The following OR1J2 variants were observed in gnomAD, a reference collection of about 807,000 sequenced individuals.
OR1J2 encodes the protein olfactory receptor 1J2.
For synonymous variants in OR1J2, 142 were observed against 99.7 expected (o/e 1.42, Z -2.52); for missense variants, 304 against 246.1 (o/e 1.24, Z -1.57).
the OR1J2 span, chr9:122,554,187 A>G: frequency 1.3e-6 from 2 of 1,556,362 alleles, no homozygotes; most frequent in Non-Finnish European, 1.7e-6. Flanking sequence ...GGTGATGTCT[A>G]ATCTTGATCA....
At chr9:122,527,431 T>G in the OR1J2 span, 5 of 608,234 alleles carry the variant, frequency 8.2e-6, no homozygotes, top group African/African-American at 1.9e-5. Flanking sequence ...TGATCCTGCT[T>G]CTTTTCTCTC....
At chr9:122,530,824 T>C in the OR1J2 span, among the ~76,000 whole-genome samples, 1 of 152,010 alleles carries the variant, frequency 6.6e-6, no homozygotes, top group Non-Finnish European at 1.5e-5. Context: ...TAGGGGAGCT[T>C]TTGAGCCAGG....
chr9:122,470,334 A>G, the OR1J2 span, among the ~76,000 whole-genome samples: 3 of 152,204 alleles, frequency 2.0e-5, no homozygotes, highest in Admixed American at 1.3e-4. Context: ...AGATGGTGCA[A>G]GCTTCAAGCC....
chr9:122,556,397 T>TGG, the OR1J2 span, among the ~76,000 whole-genome samples: 99 of 152,244 alleles, frequency 6.5e-4, no homozygotes, highest in African/African-American at 2.3e-3. Flanking sequence ...TCTACTTATG[T>TGG]GGGTCTATTT....
At chr9:122,531,658 T>A in the OR1J2 span, among the ~76,000 whole-genome samples, 2 of 152,196 alleles carry the variant, frequency 1.3e-5, no homozygotes, top group African/African-American at 4.8e-5. Context: ...GGTGTGTTTT[T>A]AAAAGACCAT....
At position 122,511,256 on chromosome 9, in the gene OR1J2, C is replaced by A; in HGVS notation, c.455C>A (p.Ser152Tyr). ...TTAGTGGCTGTATCTTGGATTCTGT[C>A]TTGTGCCAGCTCCCTCTCTCACACC... is the stretch of plus-strand genomic sequence containing the variant. The part of the protein sequence containing the change: ...VFLVAVSWIL[S>Y]CASSLSHTLL... Residue 152 changes from serine to tyrosine, a missense_variant, in exon 1 of 1, where the codon TCT becomes TAT. Physicochemically the swap from Ser to Tyr is moderately radical, Grantham distance 144. Transcript: ENST00000335302. 1.3e-6 allele frequency: 1 copy of A among 755,906 alleles called. No individual in the cohort carries two copies. The highest frequency in any genetic ancestry group is 2.5e-6 in the Non-Finnish European group (1 of 407,144). The allele number at this position is 755,906 out of a possible 1,614,324, so 46.8% of individuals were successfully genotyped here.
At chr9:122,539,425 C>G in the OR1J2 span, among the ~76,000 whole-genome samples, 1 of 152,126 alleles carries the variant, frequency 6.6e-6, no homozygotes, top group Non-Finnish European at 1.5e-5. Flanking sequence ...TCACCCATGT[C>G]CCTACAAAGG....
the OR1J2 span, among the ~76,000 whole-genome samples, chr9:122,517,641 C>T: frequency 1.3e-5 from 2 of 152,086 alleles, no homozygotes; most frequent in Non-Finnish European, 2.9e-5. Flanking sequence ...TCAATTAAGA[C>T]ACAGTGGCAC....
the OR1J2 span, among the ~76,000 whole-genome samples, chr9:122,494,848 TC>T: frequency 0.014 from 2,186 of 152,326 alleles, 38 homozygotes; most frequent in African/African-American, 0.049. Context: ...GATTTAGAGC[TC>T]CCTTTAACAG....
the OR1J2 span, among the ~76,000 whole-genome samples, chr9:122,552,844 A>G: frequency 6.7e-6 from 1 of 149,154 alleles, no homozygotes; most frequent in Non-Finnish European, 1.5e-5. Context: ...CTTCTTTCCA[A>G]TTGACAATAA....
chr9:122,537,720 C>G, the OR1J2 span, among the ~76,000 whole-genome samples: 5 of 152,058 alleles, frequency 3.3e-5, no homozygotes, highest in African/African-American at 4.8e-5. Context: ...GGCCTCATTT[C>G]CTGGGCTGGC....
At chr9:122,524,280 T>C in the OR1J2 span, among the ~76,000 whole-genome samples, 2 of 152,228 alleles carry the variant, frequency 1.3e-5, no homozygotes, top group South Asian at 2.1e-4. Context: ...GGCCATCCCA[T>C]CTAGGTTTGT....
the OR1J2 span, chr9:122,567,846 C>T: frequency 8.1e-6 from 13 of 1,613,572 alleles, no homozygotes; most frequent in African/African-American, 2.7e-5. Flanking sequence ...GCAGAGAAAA[C>T]GAGTCACCAA....
At chr9:122,533,910 C>T in the OR1J2 span, among the ~76,000 whole-genome samples, 1 of 152,236 alleles carries the variant, frequency 6.6e-6, no homozygotes, top group African/African-American at 2.4e-5. Context: ...GCCGCTAAGC[C>T]GAGAAGATCT....
In OR1J2 at chr9:122,511,586, C is replaced by T. The variant is rs137903636; in HGVS notation, c.785C>T (p.Pro262Leu). The T allele has an allele frequency of 4.0e-5, 31 of 780,906 alleles. No individual in the cohort carries two copies. Among genetic ancestry groups the T allele is most frequent in the African/African-American group, 3.9e-4 (23 of 59,112 alleles). 48.4% of individuals were successfully genotyped at this position (780,906 alleles called of 1,614,324 possible). A position where few individuals can be genotyped will look rare whatever the true frequency, so the allele number is the denominator to read the frequency against. ...TCAATATTTGGCCAGTACCTTTTCC[C>T]GACTGTAAGCAGTTCTATTGACAAG... is the stretch of plus-strand genomic sequence containing the variant. ...YGSIFGQYLFPTVSSSIDKDV... is the reference protein window; with the variant it reads ...YGSIFGQYLFLTVSSSIDKDV... Residue 262 changes from proline to leucine, a missense_variant, in exon 1 of 1, where the codon CCG becomes CTG. Coordinates refer to ENST00000335302, the MANE Select transcript of OR1J2 (RefSeq NM_054107.1).
At chr9:122,479,258 T>C in the OR1J2 span, among the ~76,000 whole-genome samples, 2 of 152,164 alleles carry the variant, frequency 1.3e-5, no homozygotes, top group South Asian at 2.1e-4. Context: ...AATTTCTCCA[T>C]GCTACTGAAA....
the OR1J2 span, among the ~76,000 whole-genome samples, chr9:122,486,122 G>A: frequency 1.2e-4 from 18 of 152,112 alleles, no homozygotes; most frequent in Middle Eastern, 3.4e-3. Flanking sequence ...TAGCATGCCA[G>A]GCCAATTTTT....
Position 122,511,473 on chromosome 9 carries a change from C to T in OR1J2, c.672C>T (p.Thr224=), listed in dbSNP as rs766613016. 1.3e-6 allele frequency: 1 copy of T among 780,480 alleles called. No homozygotes were observed. The highest frequency in any genetic ancestry group is 2.4e-6 in the Non-Finnish European group (1 of 417,934). The allele number at this position is 780,480 out of a possible 1,614,324, so 48.3% of individuals were successfully genotyped here. A position where few individuals can be genotyped will look rare whatever the true frequency, so the allele number is the denominator to read the frequency against. Residue 224 remains threonine (T), a synonymous_variant, in exon 1 of 1, where the codon ACC becomes ACT. Coordinates refer to ENST00000335302, the MANE Select transcript of OR1J2 (RefSeq NM_054107.1). ...TATCATATGGCTACATTGGGGCCAC[C>T]ATCCTGAGGGTCCCTTCAACCAAAG... ...ILVSYGYIGA[T]ILRVPSTKGI...
the OR1J2 span, among the ~76,000 whole-genome samples, chr9:122,530,079 T>TATTTAAGGGGGTTAAG: frequency 6.6e-6 from 1 of 152,084 alleles, no homozygotes; most frequent in Non-Finnish European, 1.5e-5. Flanking sequence ...ATTAAAAATA[T>TATTTAAGGGGGTTAAG]ATTTAAGGGG....
Sources: gnomAD v4.1 joint callset for allele counts (sites outside exome capture counted in the v4.1 genomes callset) on GRCh38, gnomAD v4.1.1 for gene constraint, MANE v1.5 for transcripts, NCBI Gene and HGNC (gene_info 2026-07-23, HGNC 2026-07-21) for gene names.